FGL2: variants seen among roughly 807,000 people sequenced by gnomAD.
FGL2 encodes the protein fibroleukin.
In FGL2, 21 loss-of-function variants were observed where a neutral mutation model predicts 36.0. The ratio of observed to expected loss-of-function variants is 0.58; its 90% CI spans 0.41 to 0.84. The LOEUF is 0.84. Ranked by LOEUF, FGL2 falls within the 40% of genes least tolerant of loss-of-function variation. The probability of loss-of-function intolerance (pLI) is 0.00; values close to 1 mark genes in which losing one functional copy is unlikely to be tolerated. For synonymous variants in FGL2, 183 were observed against 190.7 expected (o/e 0.96, Z 0.33); for missense variants, 444 against 526.3 (o/e 0.84, Z 1.53).
In FGL2 at chr7:77,195,278, C is replaced by A. The variant is rs914719487; in HGVS notation, c.*1001G>T. 1 of 149,688 alleles carries A rather than the reference C, an allele frequency of 6.7e-6. No homozygotes were observed. Among genetic ancestry groups the A allele is most frequent in the Non-Finnish European group, 1.5e-5 (1 of 67,710 alleles). 9.3% of individuals were successfully genotyped at this position (149,688 alleles called of 1,614,324 possible). A position where few individuals can be genotyped will look rare whatever the true frequency, so the allele number is the denominator to read the frequency against. On this transcript the variant is annotated 3_prime_UTR_variant, in exon 2 of 2. Coordinates refer to ENST00000248598, the MANE Select transcript of FGL2 (RefSeq NM_006682.3). ...ATAATTTTCATGTTAAAGCAGTTTT[C>A]AACATCAAACATCTAAGGAGTTATA...
Position 77,196,637 on chromosome 7 carries a change from A to C in FGL2, c.962T>G (p.Val321Gly). 1 of 1,614,094 alleles carries C rather than the reference A, an allele frequency of 6.2e-7. No individual in the cohort carries two copies. Among genetic ancestry groups the C allele is most frequent in the Non-Finnish European group, 8.5e-7 (1 of 1,179,908 alleles). ...ELYALYDQFY[V>G]ANEFLKYRLH... ...ACGATATTTGAGAAACTCATTAGCC[A>C]CATAAAACTGATCATACAAGGCATA... The change falls in exon 2 of 2, where the codon GTG (valine) becomes GGG (glycine). Residue 321 changes from valine to glycine, a missense_variant. Transcript: ENST00000248598. The surrounding 1 kb of genome is among the most constrained non-coding windows in gnomAD (Gnocchi z 4.2).
chr7:77,197,058 T>A (rs1048648717), intron 1 of FGL2, 73 bp from the exon 2 acceptor site: 1 of 911,342 alleles, frequency 1.1e-6, no homozygotes, highest in African/African-American at 1.7e-5. Context: ...TCTTTATATG[T>A]ACAAAAGCAG....
At position 77,199,222 on chromosome 7, in the gene FGL2, C is replaced by T. The variant is rs887375932; in HGVS notation, c.572G>A (p.Cys191Tyr). 1 of 1,613,954 alleles carries T rather than the reference C, an allele frequency of 6.2e-7. No homozygotes were observed. Among genetic ancestry groups the T allele is most frequent in the Non-Finnish European group, 8.5e-7 (1 of 1,179,890 alleles). ...TFVVNSLDGK[C>Y]SKCPSQEQIQ... ...TTGTTCTTGGCTGGGACACTTTGAA[C>T]ATTTGCCATCCAAACTATTGACAAC... The change falls in exon 1 of 2, where the codon TGT becomes TAT. Residue 191 changes from cysteine (C) to tyrosine (Y), a missense_variant. Transcript: ENST00000248598.
rs768640282 is a variant in FGL2 at position 77,196,993 on chromosome 7, G to A, written c.614-8C>T. ...TATATATTAGATGTTGAACTGAAGG[G>A]GAAATAAAAGGAAGGCATTGGATCT... On this transcript the variant is annotated splice_region_variant and splice_polypyrimidine_tract_variant and intron_variant, in intron 1 of 1. Transcript: ENST00000248598. This position sits in a 1 kb window ranked among gnomAD's most constrained non-coding sequence, Gnocchi z 4.2. The A allele has an allele frequency of 1.3e-6, 2 of 1,502,428 alleles. No individual in the cohort carries two copies. The highest frequency in any genetic ancestry group is 1.7e-4 in the Middle Eastern group (1 of 5,792). 93.1% of individuals were successfully genotyped at this position (1,502,428 alleles called of 1,614,324 possible). A position where few individuals can be genotyped will look rare whatever the true frequency, so the allele number is the denominator to read the frequency against.
At chr7:77,199,114 G>A (rs1791929834) in intron 1 of FGL2, 67 bp downstream of exon 1, 1 of 1,381,326 alleles carries the variant, frequency 7.2e-7, no homozygotes, top group Admixed American at 2.0e-5. Flanking sequence ...TCAGGTTAAT[G>A]TTTATAGATA....
intron 1 of FGL2, chr7:77,198,175 G>T (rs1791911561): frequency 2.0e-6 from 2 of 985,330 alleles, no homozygotes; most frequent in Non-Finnish European, 2.4e-6. Context: ...GATGCAGGCT[G>T]CCAGGAGTAT....
intron 1 of FGL2, among the ~76,000 whole-genome samples, chr7:77,197,794 G>A (rs1791903330): frequency 6.6e-6 from 1 of 152,056 alleles, no homozygotes; most frequent in South Asian, 2.1e-4. Flanking sequence ...TATTATCTAG[G>A]AAAGTATTTA....
Position 77,199,624 on chromosome 7 carries a change from T to A in FGL2, c.170A>T (p.Tyr57Phe). 1 of 1,613,966 alleles carries A rather than the reference T, an allele frequency of 6.2e-7. No individual in the cohort carries two copies. The highest frequency in any genetic ancestry group is 8.5e-7 in the Non-Finnish European group (1 of 1,179,840). ...GKCEEAGECPYQVSLPPLTIQ... is the reference protein window; with the variant it reads ...GKCEEAGECPFQVSLPPLTIQ... The stretch of plus-strand genomic sequence containing the variant: ...AGTCAAGGGGGGCAGGCTTACCTGG[T>A]AGGGGCACTCCCCTGCCTCTTCGCA... Residue 57 changes from tyrosine to phenylalanine, a missense_variant, in exon 1 of 2, where the codon TAC (tyrosine) becomes TTC (phenylalanine). Tyr to Phe is a conservative substitution (Grantham distance 22). Transcript: ENST00000248598.
intron 1 of FGL2, among the ~76,000 whole-genome samples, chr7:77,197,591 C>T (rs1031965799): frequency 4.6e-5 from 7 of 152,220 alleles, no homozygotes; most frequent in African/African-American, 1.7e-4. Context: ...CTTCTATTTT[C>T]TTTCACCTAA....
rs1791809152 is a variant in FGL2 at position 77,193,537 on chromosome 7, CT to C, written c.*2741del. The C allele has an allele frequency of 6.6e-6, 1 of 152,102 alleles. No individual in the cohort carries two copies. Among genetic ancestry groups the C allele is most frequent in the South Asian group, 2.1e-4 (1 of 4,822 alleles). The allele number at this position is 152,102 out of a possible 1,614,324, so 9.4% of individuals were successfully genotyped here. Reference sequence around the variant, plus strand: ...TGATGACATTACTCATAACTTTTACCTTTAAAACCTTTTCTTGGGTAGCTAT... The same window carrying C: ...TGATGACATTACTCATAACTTTTACCTTAAAACCTTTTCTTGGGTAGCTAT... On this transcript the variant is annotated 3_prime_UTR_variant, in exon 2 of 2. Coordinates refer to ENST00000248598, the MANE Select transcript of FGL2 (RefSeq NM_006682.3).
At chr7:77,199,107 G>T in intron 1 of FGL2, 74 bp downstream of exon 1, 1 of 1,293,454 alleles carries the variant, frequency 7.7e-7, no homozygotes, top group Non-Finnish European at 1.1e-6. Flanking sequence ...TACTGACTCA[G>T]GTTAATGTTT....
rs1233769237 is a variant in FGL2, at chr7:77,195,480, G to A, written c.*799C>T. 1 of 151,932 alleles carries A rather than the reference G, an allele frequency of 6.6e-6. No homozygotes were observed. The highest frequency in any genetic ancestry group is 2.4e-5 in the African/African-American group (1 of 41,344). 9.4% of individuals were successfully genotyped at this position (151,932 alleles called of 1,614,324 possible). A position where few individuals can be genotyped will look rare whatever the true frequency, so the allele number is the denominator to read the frequency against. On this transcript the variant is annotated 3_prime_UTR_variant, in exon 2 of 2. Coordinates refer to ENST00000248598, the MANE Select transcript of FGL2 (RefSeq NM_006682.3). ...TATAGATATTAGTTCCCTTAGTCTG[G>A]GAACCAAAATGCTGTAGGGTTGTTC...
Position 77,196,386 on chromosome 7 carries a change from T to G in FGL2, c.1213A>C (p.Ile405Leu), listed in dbSNP as rs1475387209. ...HQKYRGVRNG[I>L]FWGTWPGVSE... ...ACACCAGGCCAGGTACCCCAGAAAA[T>G]CCCATTACGGACACCTCTGTATTTT... Residue 405 changes from isoleucine (I) to leucine (L), a missense_variant, in exon 2 of 2, where the codon ATT (isoleucine) becomes CTT (leucine). By Grantham distance (5) the Ile-to-Leu change is conservative (BLOSUM62 2). Transcript: ENST00000248598. This position sits in a 1 kb window ranked among gnomAD's most constrained non-coding sequence, Gnocchi z 4.2. 6.2e-7 allele frequency: 1 copy of G among 1,614,024 alleles called. No individual in the cohort carries two copies. Among genetic ancestry groups the G allele is most frequent in the African/African-American group, 1.3e-5 (1 of 74,992 alleles).
chr7:77,198,191 A>G, intron 1 of FGL2: 1 of 985,466 alleles, frequency 1.0e-6, no homozygotes, highest in Middle Eastern at 5.2e-4. Flanking sequence ...AGTATTACCA[A>G]TAGAGGTCCT....
At chr7:77,197,587 T>G (rs1479056120) in intron 1 of FGL2, among the ~76,000 whole-genome samples, 1 of 152,232 alleles carries the variant, frequency 6.6e-6, no homozygotes, top group Non-Finnish European at 1.5e-5. Context: ...CAGGCTTCTA[T>G]TTTCTTTCAC....
chr7:77,197,057 G>C, intron 1 of FGL2, 72 bp from the exon 2 acceptor site: 2 of 913,606 alleles, frequency 2.2e-6, no homozygotes, highest in East Asian at 4.9e-5. Context: ...TTCTTTATAT[G>C]TACAAAAGCA....
rs772704744 is a variant in FGL2 at position 77,196,676 on chromosome 7, T to C, written c.923A>G (p.Asn308Ser). Residue 308 changes from asparagine to serine, a missense_variant, in exon 2 of 2, where the codon AAT becomes AGT. Transcript: ENST00000248598. This position sits in a 1 kb window ranked among gnomAD's most constrained non-coding sequence, Gnocchi z 4.2. ...ATACAAGGCATATAGTTCGACACCA[T>C]TAAAGTCTTCAAGATCTATTCTCAG... ...MILRIDLEDF[N>S]GVELYALYDQ... 2 of 1,614,086 alleles carry C rather than the reference T, an allele frequency of 1.2e-6. No individual in the cohort carries two copies. Among genetic ancestry groups the C allele is most frequent in the Non-Finnish European group, 1.7e-6 (2 of 1,180,004 alleles).
At position 77,196,841 on chromosome 7, in the gene FGL2, A is replaced by G; in HGVS notation, c.758T>C (p.Val253Ala). 1 of 1,613,730 alleles carries G rather than the reference A, an allele frequency of 6.2e-7. No individual in the cohort carries two copies. Among genetic ancestry groups the G allele is most frequent in the Non-Finnish European group, 8.5e-7 (1 of 1,179,968 alleles). ...GCTCCCATCGAGACGTGCCTGCAGC[A>G]CTGTCCAGCCTCCCCCCATGGTCTC... ...DMETMGGGWT[V>A]LQARLDGSTN... The change falls in exon 2 of 2, where the codon GTG becomes GCG. Residue 253 changes from valine (V) to alanine (A), a missense_variant. Coordinates refer to ENST00000248598, the MANE Select transcript of FGL2 (RefSeq NM_006682.3). The surrounding 1 kb of genome is among the most constrained non-coding windows in gnomAD (Gnocchi z 4.2).
chr7:77,199,778 A>G lies in FGL2; in HGVS notation c.16T>C (p.Trp6Arg). 6.2e-7 allele frequency: 1 copy of G among 1,613,934 alleles called. No homozygotes were observed. The highest frequency in any genetic ancestry group is 1.1e-5 in the South Asian group (1 of 91,054). MKLAN[W>R]YWLSSAVLAT... ...AGAACAGCTGAGCTCAGCCAGTACCAGTTAGCCAGCTTCATCTTTACAGTG... is the reference window on the plus strand; with the variant it reads ...AGAACAGCTGAGCTCAGCCAGTACCGGTTAGCCAGCTTCATCTTTACAGTG... Residue 6 changes from tryptophan (W) to arginine (R), a missense_variant, in exon 1 of 2, where the codon TGG becomes CGG. Transcript: ENST00000248598.
Sources: allele counts gnomAD v4.1 joint callset (sites outside exome capture counted in the v4.1 genomes callset), GRCh38; gene constraint gnomAD v4.1.1; non-coding constraint Gnocchi (gnomAD v3.1); transcripts MANE v1.5; gene names NCBI Gene and HGNC (gene_info 2026-07-23, HGNC 2026-07-21).